The following DGKB variants were observed in gnomAD, a reference collection of about 807,000 sequenced individuals.
DGKB encodes diacylglycerol kinase beta.
Under a neutral mutation model 114.3 loss-of-function variants are expected in DGKB, and 67 were observed. The observed-to-expected ratio is 0.59, with a 90% CI of 0.48 to 0.72. The LOEUF is 0.72. DGKB is among the 30% of genes least tolerant of loss of function. The probability of loss-of-function intolerance (pLI) is 0.00; values close to 1 mark genes in which losing one functional copy is unlikely to be tolerated. For missense variants in DGKB, 907 were observed against 975.2 expected, an observed-to-expected ratio of 0.93 and a Z score of 0.93; for synonymous variants, 398 against 323.1, an observed-to-expected ratio of 1.23 and a Z score of -2.49.
At chr7:14,452,558 A>T (rs1464161505) in intron 21 of DGKB, among the ~76,000 whole-genome samples, 1 of 152,026 alleles carries the variant, frequency 6.6e-6, no homozygotes, top group Non-Finnish European at 1.5e-5. Flanking sequence ...GTGTAACTTG[A>T]TAAGGGCATT....
At chr7:14,494,170 G>A (rs1192023288) in intron 20 of DGKB, among the ~76,000 whole-genome samples, 1 of 151,714 alleles carries the variant, frequency 6.6e-6, no homozygotes, top group Non-Finnish European at 1.5e-5. Context: ...CCCTTGTTCA[G>A]GAAAGTACAT....
At chr7:14,359,550 GT>G (rs1207663364) in intron 21 of DGKB, among the ~76,000 whole-genome samples, 1 of 151,616 alleles carries the variant, frequency 6.6e-6, no homozygotes, top group Admixed American at 6.6e-5. Flanking sequence ...TGGGAGAAAA[GT>G]TTTGCAATCT....
At chr7:14,234,770 C>T (rs1584626092) in intron 23 of DGKB, among the ~76,000 whole-genome samples, 1 of 152,088 alleles carries the variant, frequency 6.6e-6, no homozygotes, top group Non-Finnish European at 1.5e-5. Flanking sequence ...GAGTATTCTC[C>T]ATCTTATATC....
At chr7:14,195,169 G>A (rs1251390038) in intron 23 of DGKB, among the ~76,000 whole-genome samples, 2 of 152,134 alleles carry the variant, frequency 1.3e-5, no homozygotes, top group East Asian at 3.9e-4. Context: ...GCTTTGTGAA[G>A]GGACTGAAGG....
At chr7:14,235,953 CACAT>C (rs1191527411) in intron 23 of DGKB, among the ~76,000 whole-genome samples, 1 of 152,006 alleles carries the variant, frequency 6.6e-6, no homozygotes, top group Admixed American at 6.6e-5. Flanking sequence ...AAAAAACACA[CACAT>C]GGATGCACAA....
intron 1 of DGKB, among the ~76,000 whole-genome samples, chr7:14,948,738 A>G (rs1410466114): frequency 6.6e-6 from 1 of 151,838 alleles, no homozygotes; most frequent in Non-Finnish European, 1.5e-5. Context: ...TATGAGCTAT[A>G]ATAAAAATTA....
intron 20 of DGKB, among the ~76,000 whole-genome samples, chr7:14,556,766 C>A (rs1240403407): frequency 6.6e-6 from 1 of 152,048 alleles, no homozygotes; most frequent in Non-Finnish European, 1.5e-5. Flanking sequence ...GCTATTGTTG[C>A]ATTTATATTC....
At chr7:14,170,936 C>A (rs1002998000) in intron 25 of DGKB, among the ~76,000 whole-genome samples, 1 of 152,062 alleles carries the variant, frequency 6.6e-6, no homozygotes, top group Admixed American at 6.5e-5. Flanking sequence ...GGGAGGGGAA[C>A]TGGCAGTCAA....
chr7:14,685,383 A>AT, intron 9 of DGKB, 21 bp from the exon 10 acceptor site: 1 of 1,533,634 alleles, frequency 6.5e-7, no homozygotes, highest in Non-Finnish European at 9.0e-7. Flanking sequence ...CGTAAGAGAA[A>AT]CAGATTTCAC....
chr7:14,882,686 C>T (rs1303072374), intron 1 of DGKB, among the ~76,000 whole-genome samples: 1 of 151,924 alleles, frequency 6.6e-6, no homozygotes, highest in African/African-American at 2.4e-5. Context: ...TAAGAGTATG[C>T]AATATTTTCC....
intron 23 of DGKB, among the ~76,000 whole-genome samples, chr7:14,239,743 C>G (rs535217146): frequency 6.6e-6 from 1 of 151,988 alleles, no homozygotes; most frequent in African/African-American, 2.4e-5. Flanking sequence ...TTGCTCCAGA[C>G]TTCCTGCAAG....
chr7:14,594,734 C>A (rs1462213679), intron 17 of DGKB, among the ~76,000 whole-genome samples: 1 of 152,006 alleles, frequency 6.6e-6, no homozygotes, highest in Non-Finnish European at 1.5e-5. Flanking sequence ...CACATCAGAT[C>A]ATTCCATGGA....
rs117278099 is a variant in DGKB, at chr7:14,240,595, C to T, written c.2123-62444G>A. Among the ~76,000 whole-genome samples, 51 of 152,054 alleles carry T rather than the reference C, an allele frequency of 3.4e-4. 1 individual carries two copies. The East Asian group carries it at 8.7e-3, about 26-fold the overall frequency. The stretch of plus-strand genomic sequence containing the variant: ...GAACTATGTCTCTCTATCTCCTCAA[C>T]CAAAAACATCAGAAAGTGCTCCCTT... On this transcript the variant is annotated intron_variant, in intron 23 of 25. Coordinates refer to ENST00000402815, the MANE Select transcript of DGKB (RefSeq NM_001350709.2).
chr7:14,822,422 G>A (rs1369974681), intron 2 of DGKB, among the ~76,000 whole-genome samples: 2 of 152,122 alleles, frequency 1.3e-5, no homozygotes, highest in Non-Finnish European at 2.9e-5. Flanking sequence ...TAGGAAAGAA[G>A]AAATTATGGA....
chr7:14,166,786 C>T (rs977136281), intron 25 of DGKB, among the ~76,000 whole-genome samples: 2 of 151,940 alleles, frequency 1.3e-5, no homozygotes, highest in East Asian at 3.9e-4. Context: ...CTGGCCTGGA[C>T]TTAAAAGCAG....
At chr7:14,545,886 A>G (rs921489795) in intron 20 of DGKB, among the ~76,000 whole-genome samples, 1 of 152,228 alleles carries the variant, frequency 6.6e-6, no homozygotes, top group African/African-American at 2.4e-5. Flanking sequence ...AGAGACAATT[A>G]TCATGAGGCC....
intron 23 of DGKB, among the ~76,000 whole-genome samples, chr7:14,205,629 A>G (rs1050944314): frequency 6.6e-6 from 1 of 151,966 alleles, no homozygotes; most frequent in Non-Finnish European, 1.5e-5. Context: ...CATTGGGCCA[A>G]CTTATCCTCC....
At chr7:14,858,289 G>T (rs1850475070) in intron 1 of DGKB, among the ~76,000 whole-genome samples, 1 of 152,122 alleles carries the variant, frequency 6.6e-6, no homozygotes. Flanking sequence ...GTCTACAGCA[G>T]ATATCTAAGT....
At chr7:14,346,883 C>T (rs1812565180) in intron 21 of DGKB, among the ~76,000 whole-genome samples, 1 of 151,900 alleles carries the variant, frequency 6.6e-6, no homozygotes, top group African/African-American at 2.4e-5. Context: ...TGAAGACATT[C>T]TTAATGAATA....
Sources: allele counts gnomAD v4.1 joint callset (sites outside exome capture counted in the v4.1 genomes callset), GRCh38; gene constraint gnomAD v4.1.1; transcripts MANE v1.5; gene names NCBI Gene and HGNC (gene_info 2026-07-23, HGNC 2026-07-21).